Variants in GALNTL6 observed in about 807,000 individuals in gnomAD.
GALNTL6 encodes polypeptide N-acetylgalactosaminyltransferase-like 6.
A neutral mutation model predicts 73.7 loss-of-function variants in GALNTL6; 46 were observed. That is an observed-to-expected ratio of 0.62 (90% CI 0.49 to 0.80). The LOEUF (loss-of-function observed/expected upper bound fraction) is 0.80, where lower values mean the gene tolerates loss of function less well. Among genes scored for constraint, GALNTL6 ranks in the 30% least tolerant of loss-of-function variants. The pLI is 0.00. For missense variants in GALNTL6, 604 were observed against 755.0 expected, an observed-to-expected ratio of 0.80 and a Z score of 2.34; for synonymous variants, 259 against 263.7, an observed-to-expected ratio of 0.98 and a Z score of 0.17.
intron 5 of GALNTL6, among the ~76,000 whole-genome samples, chr4:172,712,201 A>G (rs974668920): frequency 6.6e-6 from 1 of 152,220 alleles, no homozygotes; most frequent in Non-Finnish European, 1.5e-5. Flanking sequence ...AAAACTTGCT[A>G]CAAGTAAAAT....
chr4:172,388,003 T>TTTCATCACAA (rs1743532086), intron 5 of GALNTL6, among the ~76,000 whole-genome samples: 1 of 152,150 alleles, frequency 6.6e-6, no homozygotes, highest in South Asian at 2.1e-4. Context: ...CAGTCATACC[T>TTTCATCACAA]TTCATCACAA....
chr4:172,748,299 A>ACACACACACC (rs1737228210), intron 5 of GALNTL6, among the ~76,000 whole-genome samples: 1 of 152,022 alleles, frequency 6.6e-6, no homozygotes, highest in Non-Finnish European at 1.5e-5. Flanking sequence ...GTACGCACTC[A>ACACACACACC]CACACACACC....
At chr4:171,864,214 TTATC>T (rs1735912543) in intron 2 of GALNTL6, among the ~76,000 whole-genome samples, 1 of 152,212 alleles carries the variant, frequency 6.6e-6, no homozygotes, top group African/African-American at 2.4e-5. Flanking sequence ...AAGGAAATAA[TTATC>T]TATAGAATAA....
intron 11 of GALNTL6, among the ~76,000 whole-genome samples, chr4:173,013,273 T>A (rs1361873159): frequency 6.6e-6 from 1 of 152,052 alleles, no homozygotes; most frequent in Non-Finnish European, 1.5e-5. Context: ...AGAACTTTTT[T>A]AAAAAGAAAA....
At chr4:172,836,041 T>A (rs1742896382) in intron 7 of GALNTL6, among the ~76,000 whole-genome samples, 1 of 151,984 alleles carries the variant, frequency 6.6e-6, no homozygotes. Context: ...GGGTATGGGG[T>A]CATCTCTGCT....
rs1011756150 is a variant in GALNTL6 at position 172,072,756 on chromosome 4, G to A, written c.139-156900G>A. 5.3e-5 allele frequency among the ~76,000 whole-genome samples: 8 copies of A among 152,232 alleles called. No homozygotes were observed. The East Asian group carries it at 1.4e-3, about 26-fold the overall frequency. On this transcript the variant is annotated intron_variant, in intron 2 of 12. Transcript: ENST00000506823. Reference sequence around the variant, plus strand: ...TACTTTAGCAAATCTCCACATTTCTGTCACTAACATCTTAGCCCAAGCCTG... The same window carrying A: ...TACTTTAGCAAATCTCCACATTTCTATCACTAACATCTTAGCCCAAGCCTG...
chr4:172,503,125 A>G (rs1320356526), intron 5 of GALNTL6, among the ~76,000 whole-genome samples: 1 of 152,154 alleles, frequency 6.6e-6, no homozygotes, highest in Non-Finnish European at 1.5e-5. Flanking sequence ...TGTGGCATTA[A>G]AGTACTTGTG....
intron 5 of GALNTL6, among the ~76,000 whole-genome samples, chr4:172,686,404 C>A (rs879106656): frequency 6.6e-6 from 1 of 152,106 alleles, no homozygotes; most frequent in Admixed American, 6.6e-5. Flanking sequence ...AAGCCTGGCT[C>A]TGGTGTTCAT....
At chr4:172,067,107 T>C (rs1400851330) in intron 2 of GALNTL6, among the ~76,000 whole-genome samples, 2 of 151,876 alleles carry the variant, frequency 1.3e-5, no homozygotes, top group African/African-American at 4.8e-5. Context: ...ATTTTGCTGT[T>C]ATAATTAGTC....
chr4:172,515,258 G>T (rs191633935), intron 5 of GALNTL6, among the ~76,000 whole-genome samples: 1 of 152,356 alleles, frequency 6.6e-6, no homozygotes, highest in East Asian at 1.9e-4. Flanking sequence ...AATGGTTCAT[G>T]TAGGGATTTA....
intron 2 of GALNTL6, among the ~76,000 whole-genome samples, chr4:172,156,572 C>CTA (rs1560945850): frequency 3.3e-5 from 4 of 122,526 alleles, no homozygotes; most frequent in African/African-American, 3.6e-5. Context: ...TATATACATA[C>CTA]TATATATATA....
At position 172,340,796 on chromosome 4, in the gene GALNTL6, A is replaced by T. The variant is rs146564146; in HGVS notation, c.387-7727A>T. On this transcript the variant is annotated intron_variant, in intron 4 of 12. Transcript: ENST00000506823. Reference sequence around the variant, plus strand: ...CTCCATAAGCATTAGTTTTTACCCTATATGAATGATAGGTATTGTTTCCTC... The same window carrying T: ...CTCCATAAGCATTAGTTTTTACCCTTTATGAATGATAGGTATTGTTTCCTC... Among the ~76,000 whole-genome samples, 556 of 152,268 alleles carry T rather than the reference A, an allele frequency of 3.7e-3. 4 individuals are homozygous for T. Among genetic ancestry groups the T allele is most frequent in the South Asian group, 0.015 (74 of 4,830 alleles).
At chr4:172,611,223 T>C (rs975961634) in intron 5 of GALNTL6, among the ~76,000 whole-genome samples, 2 of 152,076 alleles carry the variant, frequency 1.3e-5, no homozygotes, top group African/African-American at 2.4e-5. Context: ...CTTGTCATTA[T>C]GATGTTAGCT....
chr4:172,742,719 G>T (rs7674050), intron 5 of GALNTL6, among the ~76,000 whole-genome samples: 54,518 of 151,812 alleles, frequency 0.36, 10,840 homozygotes, highest in African/African-American at 0.52. Context: ...CAGATAAAGC[G>T]AACAACAAAC....
chr4:172,481,053 C>T (rs1018232726), intron 5 of GALNTL6, among the ~76,000 whole-genome samples: 14 of 152,188 alleles, frequency 9.2e-5, no homozygotes, highest in Non-Finnish European at 1.6e-4. Flanking sequence ...CGTGGACTAT[C>T]GCGGTGAGTG....
intron 10 of GALNTL6, among the ~76,000 whole-genome samples, chr4:172,987,493 T>G (rs1025866535): frequency 2.0e-5 from 3 of 152,222 alleles, no homozygotes; most frequent in African/African-American, 7.2e-5. Flanking sequence ...AAGTTTTGGG[T>G]GAGGGTACAG....
chr4:172,480,013 A>AT (rs1189548949), intron 5 of GALNTL6, among the ~76,000 whole-genome samples: 1 of 152,120 alleles, frequency 6.6e-6, no homozygotes, highest in Non-Finnish European at 1.5e-5. Flanking sequence ...AGGATTGCCC[A>AT]TTTTTTTACT....
intron 5 of GALNTL6, among the ~76,000 whole-genome samples, chr4:172,401,532 A>G (rs2111324703): frequency 6.6e-6 from 1 of 152,256 alleles, no homozygotes; most frequent in South Asian, 2.1e-4. Context: ...AGTCACTGCA[A>G]ATATTTTTAA....
At chr4:172,209,740 G>T (rs1481341872) in intron 2 of GALNTL6, among the ~76,000 whole-genome samples, 1 of 151,934 alleles carries the variant, frequency 6.6e-6, no homozygotes, top group Non-Finnish European at 1.5e-5. Context: ...ATAAACTGAG[G>T]CTAGAGCTTG....
Sources: allele counts gnomAD v4.1 joint callset (sites outside exome capture counted in the v4.1 genomes callset), GRCh38; gene constraint gnomAD v4.1.1; transcripts MANE v1.5; gene names NCBI Gene and HGNC (gene_info 2026-07-23, HGNC 2026-07-21).